The following FBXW7 variants were observed in gnomAD, a reference collection of about 807,000 sequenced individuals.
FBXW7 encodes the protein F-box/WD repeat-containing protein 7.
A neutral mutation model predicts 86.3 loss-of-function variants in FBXW7; 11 were observed. The observed-to-expected ratio is 0.13, with a 90% CI of 0.08 to 0.21. The LOEUF is 0.21. Among genes scored for constraint, FBXW7 ranks in the 10% least tolerant of loss-of-function variants. The pLI is 1.00. For synonymous variants in FBXW7, 313 were observed against 297.9 expected, an observed-to-expected ratio of 1.05 and a Z score of -0.52; for missense variants, 488 against 847.4, an observed-to-expected ratio of 0.58 and a Z score of 5.27.
At chr4:152,463,589 G>A (rs1321569177) in intron 2 of FBXW7, among the ~76,000 whole-genome samples, 4 of 152,158 alleles carry the variant, frequency 2.6e-5, no homozygotes, top group Admixed American at 1.3e-4. Context: ...AGACAGATAA[G>A]GAGTTAGTTC....
chr4:152,502,261 T>C (rs1320431204), intron 2 of FBXW7, among the ~76,000 whole-genome samples: 1 of 152,216 alleles, frequency 6.6e-6, no homozygotes, highest in East Asian at 1.9e-4. Context: ...GTGTAAAATG[T>C]CCTTCTACTA....
At chr4:152,531,956 T>A (rs1055425896) in intron 2 of FBXW7, among the ~76,000 whole-genome samples, 1 of 152,120 alleles carries the variant, frequency 6.6e-6, no homozygotes, top group Non-Finnish European at 1.5e-5. Context: ...TAAAGCCTGC[T>A]CATTCCTTTT....
At chr4:152,413,515 T>C (rs1286463146) in intron 2 of FBXW7, among the ~76,000 whole-genome samples, 2 of 152,120 alleles carry the variant, frequency 1.3e-5, no homozygotes, top group Non-Finnish European at 2.9e-5. Context: ...TTTCTCAAGA[T>C]TACTAGTTTC....
chr4:152,321,113 C>T lies in FBXW7; in HGVS notation c.*1768G>A, dbSNP rs1028861632. 7.8e-5 allele frequency: 15 copies of T among 191,928 alleles called. No individual in the cohort carries two copies. Among genetic ancestry groups the T allele is most frequent in the Admixed American group, 6.1e-4 (10 of 16,366 alleles). The allele number at this position is 191,928 out of a possible 1,614,324, so 11.9% of individuals were successfully genotyped here. A position where few individuals can be genotyped will look rare whatever the true frequency, so the allele number is the denominator to read the frequency against. On this transcript the variant is annotated 3_prime_UTR_variant, in exon 14 of 14. Coordinates refer to ENST00000281708, the MANE Select transcript of FBXW7 (RefSeq NM_001349798.2). ...TTGCAGCACATTATCCTTACTTTCG[C>T]GGTATAAAACAGGCTTGAAGTATTG...
At chr4:152,530,784 G>A (rs1749959803) in intron 2 of FBXW7, 2 of 152,192 alleles carry the variant, frequency 1.3e-5, no homozygotes, top group South Asian at 2.1e-4. Context: ...CAAAAACTTC[G>A]GCCTATGGGC....
chr4:152,416,166 G>T (rs991926867), intron 2 of FBXW7, among the ~76,000 whole-genome samples: 1 of 151,980 alleles, frequency 6.6e-6, no homozygotes, highest in Non-Finnish European at 1.5e-5. Context: ...GACTCATAAG[G>T]CACTCAAAAC....
intron 2 of FBXW7, among the ~76,000 whole-genome samples, chr4:152,527,345 A>C (rs1031888338): frequency 6.6e-6 from 1 of 152,254 alleles, no homozygotes; most frequent in African/African-American, 2.4e-5. Flanking sequence ...GTTTTCAACC[A>C]TTTGGTAATT....
intron 2 of FBXW7, among the ~76,000 whole-genome samples, chr4:152,427,377 G>A (rs1417993809): frequency 2.0e-5 from 3 of 152,130 alleles, no homozygotes; most frequent in Non-Finnish European, 4.4e-5. Context: ...ATATGCATTT[G>A]ACCTGTATTA....
At chr4:152,443,935 A>G (rs1440434275) in intron 2 of FBXW7, among the ~76,000 whole-genome samples, 1 of 152,200 alleles carries the variant, frequency 6.6e-6, no homozygotes, top group Non-Finnish European at 1.5e-5. Flanking sequence ...TAAAGATGAA[A>G]TATTTCAAAT....
chr4:152,322,167 C>T lies in FBXW7; in HGVS notation c.*714G>A, dbSNP rs1426347947. ...CCCATATTTGAAGACCTACTTCTAG[C>T]ACCAGCATCAAGAATTAAATCCATC... On this transcript the variant is annotated 3_prime_UTR_variant, in exon 14 of 14. Coordinates refer to ENST00000281708, the MANE Select transcript of FBXW7 (RefSeq NM_001349798.2). The T allele has an allele frequency of 4.3e-6, 1 of 233,294 alleles. No homozygotes were observed. The highest frequency in any genetic ancestry group is 8.5e-6 in the Non-Finnish European group (1 of 117,850). The allele number at this position is 233,294 out of a possible 1,614,324, so 14.5% of individuals were successfully genotyped here. A position where few individuals can be genotyped will look rare whatever the true frequency, so the allele number is the denominator to read the frequency against.
intron 4 of FBXW7, among the ~76,000 whole-genome samples, chr4:152,371,471 C>T (rs1224630364): frequency 6.6e-6 from 1 of 151,946 alleles, no homozygotes; most frequent in Non-Finnish European, 1.5e-5. Context: ...GTAATAGATA[C>T]TATCTAACAG....
At chr4:152,530,953 T>C (rs1361804943) in intron 2 of FBXW7, 3 of 152,242 alleles carry the variant, frequency 2.0e-5, no homozygotes, top group Non-Finnish European at 2.9e-5. Flanking sequence ...ACTCTTTCTC[T>C]ACACAATGAG....
intron 4 of FBXW7, among the ~76,000 whole-genome samples, chr4:152,395,405 T>C (rs1052621962): frequency 2.0e-5 from 3 of 152,086 alleles, no homozygotes; most frequent in Non-Finnish European, 2.9e-5. Context: ...CCTCTTCTCA[T>C]GACCTTGCCC....
chr4:152,529,254 A>T (rs1209006706), intron 2 of FBXW7, among the ~76,000 whole-genome samples: 3 of 152,222 alleles, frequency 2.0e-5, no homozygotes, highest in Non-Finnish European at 2.9e-5. Flanking sequence ...AAGATTTTTT[A>T]AAATAATAAG....
chr4:152,454,417 T>G (rs1742220292), intron 2 of FBXW7, among the ~76,000 whole-genome samples: 1 of 152,124 alleles, frequency 6.6e-6, no homozygotes, highest in South Asian at 2.1e-4. Context: ...TTCTTTTGCC[T>G]ACAAATAACT....
At chr4:152,375,072 T>C (rs890240228) in intron 4 of FBXW7, among the ~76,000 whole-genome samples, 1 of 152,094 alleles carries the variant, frequency 6.6e-6, no homozygotes, top group African/African-American at 2.4e-5. Flanking sequence ...GAATTAATCA[T>C]AGCTAGACTA....
intron 2 of FBXW7, among the ~76,000 whole-genome samples, chr4:152,519,463 A>AATCT: frequency 6.8e-6 from 1 of 147,886 alleles, no homozygotes; most frequent in Admixed American, 6.7e-5. Context: ...ATCCTGAAAT[A>AATCT]ATCTCCTTCA....
intron 2 of FBXW7, among the ~76,000 whole-genome samples, chr4:152,462,549 C>G (rs551879716): frequency 1.5e-4 from 23 of 152,296 alleles, no homozygotes; most frequent in Non-Finnish European, 3.4e-4. Flanking sequence ...GCCAGGCTAC[C>G]CGTAACTTCT....
intron 4 of FBXW7, chr4:152,382,317 GT>G: frequency 6.3e-7 from 1 of 1,577,032 alleles, no homozygotes; most frequent in Admixed American, 1.8e-5. Flanking sequence ...TTTAGAGTAG[GT>G]TTTCCCGGTT....
Sources: allele counts gnomAD v4.1 joint callset (sites outside exome capture counted in the v4.1 genomes callset), GRCh38; gene constraint gnomAD v4.1.1; transcripts MANE v1.5; gene names NCBI Gene and HGNC (gene_info 2026-07-23, HGNC 2026-07-21).